PDE1C: variants seen among roughly 807,000 people sequenced by gnomAD.
PDE1C encodes phosphodiesterase 1C.
In PDE1C, 62 loss-of-function variants were observed where a neutral mutation model predicts 93.1. That is an observed-to-expected ratio of 0.67 (90% CI 0.54 to 0.82). PDE1C has a LOEUF of 0.82. PDE1C is among the 40% of genes least tolerant of loss of function. PDE1C has a pLI of 0.00. For synonymous variants in PDE1C, 325 were observed against 310.1 expected, an observed-to-expected ratio of 1.05 and a Z score of -0.50; for missense variants, 742 against 884.6, an observed-to-expected ratio of 0.84 and a Z score of 2.04.
intron 2 of PDE1C, among the ~76,000 whole-genome samples, chr7:31,895,910 T>C (rs1336945862): frequency 6.6e-6 from 1 of 152,070 alleles, no homozygotes; most frequent in Non-Finnish European, 1.5e-5. Flanking sequence ...GTGAGTCCAT[T>C]AAACCTCTTT....
At chr7:31,765,127 A>G (rs565699290) in intron 17 of PDE1C, among the ~76,000 whole-genome samples, 2 of 152,178 alleles carry the variant, frequency 1.3e-5, no homozygotes, top group Non-Finnish European at 2.9e-5. Flanking sequence ...GGAGGCACTG[A>G]GACATATTTT....
At chr7:31,688,376 A>G in the PDE1C span, among the ~76,000 whole-genome samples, 3 of 152,242 alleles carry the variant, frequency 2.0e-5, no homozygotes, top group Non-Finnish European at 4.4e-5. Flanking sequence ...TTTTCTTCCC[A>G]TAATTTAAAC....
intron 2 of PDE1C, among the ~76,000 whole-genome samples, chr7:32,208,236 G>A (rs1334596332): frequency 4.0e-5 from 1 of 24,764 alleles, no homozygotes; most frequent in Admixed American, 6.5e-4. Context: ...GGGAGGCAGA[G>A]TTTAGAAGAA....
rs139424683 is a variant in PDE1C, at chr7:32,203,651, C to T, written c.136+5838G>A. On this transcript the variant is annotated intron_variant, in intron 2 of 18. Coordinates refer to the PDE1C transcript ENST00000396193. ...TTTTGATACCGCTATAGTAGTCCCC[C>T]ATTATCCGAGGGGGTACGTTCCAAC... is the stretch of plus-strand genomic sequence containing the variant. Among the ~76,000 whole-genome samples the T allele has an allele frequency of 1.7e-3, 261 of 152,286 alleles. 4 individuals are homozygous for T. Among genetic ancestry groups the T allele is most frequent in the East Asian group, 0.012 (63 of 5,186 alleles).
the PDE1C span, among the ~76,000 whole-genome samples, chr7:31,745,460 C>G: frequency 6.6e-6 from 1 of 152,114 alleles, no homozygotes. Context: ...AGTAGGAAAG[C>G]ACCAGGATCT....
chr7:32,269,828 C>T (rs1585056010), intron 1 of PDE1C, among the ~76,000 whole-genome samples: 2 of 152,230 alleles, frequency 1.3e-5, no homozygotes, highest in East Asian at 3.9e-4. Context: ...GGCTGGAGTG[C>T]AATGGTGTAG....
At chr7:31,796,185 T>C (rs1483517884) in intron 16 of PDE1C, among the ~76,000 whole-genome samples, 1 of 150,206 alleles carries the variant, frequency 6.7e-6, no homozygotes, top group Non-Finnish European at 1.5e-5. Context: ...ATATATTATG[T>C]ATATATGATA....
chr7:31,643,057 G>C, the PDE1C span: 1 of 1,613,994 alleles, frequency 6.2e-7, no homozygotes, highest in South Asian at 1.1e-5. Context: ...TTCCAAATAT[G>C]ATCATCCTCT....
At chr7:31,869,101 A>G (rs1282788939) in intron 6 of PDE1C, among the ~76,000 whole-genome samples, 2 of 152,150 alleles carry the variant, frequency 1.3e-5, no homozygotes, top group Non-Finnish European at 2.9e-5. Context: ...TGCAAAAGGA[A>G]AAAACTCACT....
chr7:32,018,286 A>G (rs1279114790), intron 2 of PDE1C, among the ~76,000 whole-genome samples: 1 of 152,126 alleles, frequency 6.6e-6, no homozygotes, highest in Non-Finnish European at 1.5e-5. Context: ...CAGAGTTACC[A>G]CATGACCCAG....
intron 1 of PDE1C, among the ~76,000 whole-genome samples, chr7:32,226,834 A>G (rs1584992787): frequency 6.6e-6 from 1 of 152,074 alleles, no homozygotes; most frequent in African/African-American, 2.4e-5. Context: ...TTAATACATC[A>G]CCACCAATGC....
chr7:31,903,197 G>T (rs980264484), intron 2 of PDE1C, among the ~76,000 whole-genome samples: 8 of 151,744 alleles, frequency 5.3e-5, no homozygotes, highest in African/African-American at 1.7e-4. Flanking sequence ...GGAAAAATGA[G>T]ATTTCTGAAA....
At chr7:32,056,361 T>TCA (rs1188367975) in intron 1 of PDE1C, among the ~76,000 whole-genome samples, 1 of 126,824 alleles carries the variant, frequency 7.9e-6, no homozygotes, top group Non-Finnish European at 1.6e-5. Context: ...TCTCTCTCTC[T>TCA]CACTGAAACA....
chr7:32,096,423 G>C (rs1797750402), intron 3 of PDE1C, among the ~76,000 whole-genome samples: 1 of 152,148 alleles, frequency 6.6e-6, no homozygotes, highest in Admixed American at 6.5e-5. Context: ...TTCAGTTGTA[G>C]GGCCATAGGG....
chr7:32,075,721 G>A (rs1330600343), upstream of PDE1C, among the ~76,000 whole-genome samples: 1 of 152,134 alleles, frequency 6.6e-6, no homozygotes, highest in Non-Finnish European at 1.5e-5. Context: ...AGAGAAGTGA[G>A]AAGACAAAGA....
At chr7:31,955,991 T>C (rs1808078255) in intron 2 of PDE1C, among the ~76,000 whole-genome samples, 1 of 152,214 alleles carries the variant, frequency 6.6e-6, no homozygotes, top group Admixed American at 6.5e-5. Flanking sequence ...AAGTTCCATG[T>C]CCTCACAAGT....
At chr7:31,744,638 T>C in the PDE1C span, among the ~76,000 whole-genome samples, 1 of 152,212 alleles carries the variant, frequency 6.6e-6, no homozygotes, top group Non-Finnish European at 1.5e-5. Context: ...GATCAAGGCA[T>C]GATATGCCCT....
intron 6 of PDE1C, among the ~76,000 whole-genome samples, chr7:31,869,446 A>G (rs1795667297): frequency 6.6e-6 from 1 of 152,094 alleles, no homozygotes; most frequent in Non-Finnish European, 1.5e-5. Context: ...ATGCAAATGG[A>G]AATCAAAAGC....
intron 1 of PDE1C, among the ~76,000 whole-genome samples, chr7:32,264,538 G>A (rs1475721171): frequency 6.6e-6 from 1 of 152,166 alleles, no homozygotes; most frequent in Non-Finnish European, 1.5e-5. Flanking sequence ...TCTCCAAAAT[G>A]GATCCAAGTG....
Sources: gnomAD v4.1 joint callset for allele counts (sites outside exome capture counted in the v4.1 genomes callset) on GRCh38, gnomAD v4.1.1 for gene constraint, MANE v1.5 for transcripts, NCBI Gene and HGNC (gene_info 2026-07-23, HGNC 2026-07-21) for gene names.